Variants in TEX11 observed in about 807,000 individuals in gnomAD.
The protein encoded by TEX11 is testis-expressed protein 11.
A neutral mutation model predicts 84.4 loss-of-function variants in TEX11; 7 were observed. The observed-to-expected ratio is 0.08, with a 90% CI of 0.05 to 0.16. TEX11 has a LOEUF of 0.16. TEX11 is among the 10% of genes least tolerant of loss of function. The pLI, the probability that TEX11 is intolerant of heterozygous loss-of-function variation, is 1.00. For missense variants in TEX11, 551 were observed against 660.5 expected (o/e 0.83, Z 1.82); for synonymous variants, 264 against 222.8 (o/e 1.18, Z -1.64).
intron 16 of TEX11, among the ~76,000 whole-genome samples, chrX:70,661,222 G>A (rs971652191): frequency 2.0e-4 from 22 of 112,453 alleles, no homozygotes; most frequent in African/African-American, 7.1e-4. Flanking sequence ...CACACCAGGA[G>A]ACTGTATCCC....
At position 70,846,811 on chromosome X, in the gene TEX11, C is replaced by A. The variant is rs187065387; in HGVS notation, c.525+6223G>T. On this transcript the variant is annotated intron_variant, in intron 7 of 29. Coordinates refer to ENST00000374333, the MANE Select transcript of TEX11 (RefSeq NM_031276.3). ...TGGTGGCATGTGACTGTAATCCCAG[C>A]TACTCTGGAGGCTGAGGCATGAGAA... is the stretch of plus-strand genomic sequence containing the variant. Among the ~76,000 whole-genome samples the A allele has an allele frequency of 2.7e-5, 3 of 111,548 alleles. No individual in the cohort carries two copies. The East Asian group carries it at 8.4e-4, about 31-fold the overall frequency.
chrX:70,568,105 T>C (rs1164418508), intron 25 of TEX11, among the ~76,000 whole-genome samples: 72 of 111,886 alleles, frequency 6.4e-4, no homozygotes, highest in Non-Finnish European at 1.2e-3. Context: ...TGGGTGCATA[T>C]ATATTTAGGA....
intron 9 of TEX11, among the ~76,000 whole-genome samples, chrX:70,753,879 T>C (rs1295099090): frequency 3.6e-5 from 4 of 110,200 alleles, no homozygotes; most frequent in Non-Finnish European, 3.8e-5. Flanking sequence ...AAGGACCTAG[T>C]TCTAGAATCA....
chrX:70,572,939 C>A (rs988300140), intron 25 of TEX11, among the ~76,000 whole-genome samples: 1 of 109,886 alleles, frequency 9.1e-6, no homozygotes, highest in Admixed American at 9.7e-5. Flanking sequence ...CAACATGGCA[C>A]ATGTATACAT....
At chrX:70,791,326 T>C (rs759959053) in intron 9 of TEX11, among the ~76,000 whole-genome samples, 3 of 112,168 alleles carry the variant, frequency 2.7e-5, no homozygotes, top group East Asian at 2.8e-4. Context: ...ATCCTAAATA[T>C]ATATACACCC....
At chrX:70,558,831 G>A (rs755636178) in intron 25 of TEX11, among the ~76,000 whole-genome samples, 91 of 111,859 alleles carry the variant, frequency 8.1e-4, no homozygotes, top group African/African-American at 2.8e-3. Context: ...TGGTCATCAG[G>A]AAAATTAGTC....
chrX:70,743,937 T>C (rs1435924566), intron 10 of TEX11, among the ~76,000 whole-genome samples: 10 of 106,794 alleles, frequency 9.4e-5, no homozygotes, highest in African/African-American at 3.4e-4. Flanking sequence ...AAAATTTACA[T>C]ACCCAAACAT....
At chrX:70,732,222 C>T (rs1603240378) in intron 11 of TEX11, among the ~76,000 whole-genome samples, 1 of 111,771 alleles carries the variant, frequency 8.9e-6, no homozygotes, top group Middle Eastern at 4.6e-3. Flanking sequence ...AAACTGGAAG[C>T]ATTCCCTTTG....
intron 13 of TEX11, among the ~76,000 whole-genome samples, chrX:70,701,671 C>T (rs1180563231): frequency 8.9e-6 from 1 of 112,276 alleles, no homozygotes; most frequent in Non-Finnish European, 1.9e-5. Flanking sequence ...AGTTATTCCT[C>T]TCATGGATCT....
chrX:70,869,771 T>C (rs978460518), intron 4 of TEX11, among the ~76,000 whole-genome samples: 2 of 109,572 alleles, frequency 1.8e-5, no homozygotes, highest in African/African-American at 3.3e-5. Context: ...AGCCAGATCC[T>C]GTCTCAAAAA....
At chrX:70,819,286 C>T (rs956909824) in intron 8 of TEX11, among the ~76,000 whole-genome samples, 3 of 111,581 alleles carry the variant, frequency 2.7e-5, no homozygotes, top group African/African-American at 9.8e-5. Flanking sequence ...TGGTTCAACA[C>T]GTGAAAATCA....
intron 9 of TEX11, among the ~76,000 whole-genome samples, chrX:70,805,406 C>CTT (rs776518885): frequency 4.7e-4 from 47 of 99,559 alleles, no homozygotes; most frequent in African/African-American, 1.5e-3. Flanking sequence ...ATTTTTTTTT[C>CTT]TTTTTTTTTT....
At chrX:70,805,133 T>C (rs1602142146) in intron 9 of TEX11, among the ~76,000 whole-genome samples, 3 of 110,547 alleles carry the variant, frequency 2.7e-5, no homozygotes, top group Admixed American at 1.9e-4. Context: ...TAGTTCTTTA[T>C]ATAGAGTTTG....
chrX:70,855,712 A>C (rs1050303367), intron 5 of TEX11, among the ~76,000 whole-genome samples: 2 of 111,642 alleles, frequency 1.8e-5, no homozygotes, highest in Non-Finnish European at 3.8e-5. Context: ...AAATGAGGCC[A>C]TTAGGGCGGG....
intron 9 of TEX11, among the ~76,000 whole-genome samples, chrX:70,789,767 A>T (rs1224623077): frequency 8.9e-6 from 1 of 112,094 alleles, no homozygotes; most frequent in Non-Finnish European, 1.9e-5. Context: ...TTACTATATG[A>T]TGCAGCTTTT....
intron 8 of TEX11, among the ~76,000 whole-genome samples, chrX:70,813,141 CA>C (rs199602087): frequency 1.8e-5 from 2 of 110,028 alleles, no homozygotes; most frequent in South Asian, 3.9e-4. Context: ...AGAGACACAA[CA>C]AAAAAAAGAG....
chrX:70,777,766 A>G (rs1235151977), intron 9 of TEX11, among the ~76,000 whole-genome samples: 1 of 111,747 alleles, frequency 8.9e-6, no homozygotes, highest in African/African-American at 3.3e-5. Context: ...CAAAATAAAG[A>G]AGAAGGGATC....
At chrX:70,725,212 A>G (rs750142677) in intron 12 of TEX11, 50 bp downstream of exon 12, 1 of 870,379 alleles carries the variant, frequency 1.1e-6, no homozygotes, top group Non-Finnish European at 1.6e-6. Flanking sequence ...TATTTAACAA[A>G]TTGTAGTGAT....
At chrX:70,644,930 A>T (rs1239787296) in intron 17 of TEX11, among the ~76,000 whole-genome samples, 1 of 109,426 alleles carries the variant, frequency 9.1e-6, no homozygotes, top group Non-Finnish European at 1.9e-5. Context: ...AATAAAAAAA[A>T]TTAAAAAAAG....
Sources: allele counts gnomAD v4.1 joint callset (sites outside exome capture counted in the v4.1 genomes callset), GRCh38; gene constraint gnomAD v4.1.1; transcripts MANE v1.5; gene names NCBI Gene and HGNC (gene_info 2026-07-23, HGNC 2026-07-21).